Variants in CSMD1 observed in about 807,000 individuals in gnomAD.
CSMD1 encodes the protein CUB and Sushi multiple domains 1.
Under a neutral mutation model 417.5 loss-of-function variants are expected in CSMD1, and 213 were observed. The ratio of observed to expected loss-of-function variants is 0.51; its 90% CI spans 0.46 to 0.57. CSMD1 has a LOEUF of 0.57. CSMD1 is among the 20% of genes least tolerant of loss of function. CSMD1 has a pLI of 0.00. For synonymous variants in CSMD1, 2,862 were observed against 1,736.8 expected, an observed-to-expected ratio of 1.65 and a Z score of -16.11; for missense variants, 6,923 against 4,529.7, an observed-to-expected ratio of 1.53 and a Z score of -15.17.
intron 3 of CSMD1, among the ~76,000 whole-genome samples, chr8:4,197,969 C>G (rs1478320603): frequency 6.6e-6 from 1 of 152,170 alleles, no homozygotes; most frequent in Non-Finnish European, 1.5e-5. Flanking sequence ...TGGCTTGACT[C>G]TGGGAATAAA....
At chr8:3,750,670 G>A (rs923070060) in intron 6 of CSMD1, among the ~76,000 whole-genome samples, 1 of 152,130 alleles carries the variant, frequency 6.6e-6, no homozygotes, top group Non-Finnish European at 1.5e-5. Flanking sequence ...CTGCTTGACA[G>A]AAGGTTTCAC....
intron 2 of CSMD1, among the ~76,000 whole-genome samples, chr8:4,543,797 G>A (rs966902206): frequency 6.7e-6 from 1 of 148,198 alleles, no homozygotes; most frequent in African/African-American, 2.5e-5. Flanking sequence ...ACCAGCATTT[G>A]ATGTCAACAT....
intron 3 of CSMD1, among the ~76,000 whole-genome samples, chr8:4,063,676 A>C (rs1315459082): frequency 6.6e-6 from 1 of 152,216 alleles, no homozygotes; most frequent in East Asian, 1.9e-4. Context: ...TCTACCAGGA[A>C]GGATAAGCAT....
rs1003700025 is a variant in CSMD1 at position 4,561,293 on chromosome 8, G to T, written c.302+76049C>A. 2.0e-5 allele frequency among the ~76,000 whole-genome samples: 3 copies of T among 152,310 alleles called. No homozygotes were observed. The East Asian group carries it at 5.8e-4, about 29-fold the overall frequency. ...GGAGGCTGAGGCAGGGGAATCGTTT[G>T]AACTCAGGAGCTGGAGGTTGCAGTG... On this transcript the variant is annotated intron_variant, in intron 2 of 69. Transcript: ENST00000635120.
chr8:4,939,946 AT>A (rs1239456216), intron 1 of CSMD1, among the ~76,000 whole-genome samples: 1 of 152,236 alleles, frequency 6.6e-6, no homozygotes, highest in Non-Finnish European at 1.5e-5. Context: ...TAAAATATAA[AT>A]TTAAAAAAAG....
intron 1 of CSMD1, among the ~76,000 whole-genome samples, chr8:4,664,259 A>G (rs563547461): frequency 6.6e-6 from 1 of 152,298 alleles, no homozygotes; most frequent in South Asian, 2.1e-4. Flanking sequence ...CTGTGTGACT[A>G]GTAAGAAGAG....
At chr8:3,150,965 T>G (rs1044648834) in intron 40 of CSMD1, among the ~76,000 whole-genome samples, 1 of 152,188 alleles carries the variant, frequency 6.6e-6, no homozygotes, top group Non-Finnish European at 1.5e-5. Flanking sequence ...AGCAAAAATG[T>G]ATAAAACAAT....
intron 3 of CSMD1, among the ~76,000 whole-genome samples, chr8:4,039,697 A>C (rs1797789140): frequency 1.3e-5 from 2 of 152,202 alleles, no homozygotes; most frequent in Non-Finnish European, 2.9e-5. Context: ...AGCTGTAAAT[A>C]TACTTGAAGG....
rs1554468421 is a variant in CSMD1, at chr8:3,556,552, C to CACCCT, written c.1344+18392_1344+18393insAGGGT. ...CACACACACACACACACACACACAC[C>CACCCT]CTCTCTCTCTTTCAGAAATGGAAAA... is the stretch of plus-strand genomic sequence containing the variant. On this transcript the variant is annotated intron_variant, in intron 10 of 69. Transcript: ENST00000635120. 4.4e-3 allele frequency among the ~76,000 whole-genome samples: 613 copies of CACCCT among 139,786 alleles called. 4 individuals are homozygous for CACCCT. Among genetic ancestry groups the CACCCT allele is most frequent in the African/African-American group, 0.016 (575 of 36,612 alleles). The allele number at this position is 139,786 out of a possible 152,430, so 91.7% of individuals were successfully genotyped here. A position where few individuals can be genotyped will look rare whatever the true frequency, so the allele number is the denominator to read the frequency against.
chr8:4,643,077 G>C (rs1240553775), intron 1 of CSMD1, among the ~76,000 whole-genome samples: 1 of 152,170 alleles, frequency 6.6e-6, no homozygotes, highest in Non-Finnish European at 1.5e-5. Flanking sequence ...ATATAGATTT[G>C]TGTGTAAATA....
At chr8:4,933,066 T>C (rs202099286) in intron 1 of CSMD1, among the ~76,000 whole-genome samples, 1 of 150,672 alleles carries the variant, frequency 6.6e-6, no homozygotes, top group Admixed American at 6.6e-5. Flanking sequence ...AGGTAATCAA[T>C]AGCACTTTCT....
intron 54 of CSMD1, among the ~76,000 whole-genome samples, chr8:2,989,164 G>T (rs997600638): frequency 6.6e-6 from 1 of 152,172 alleles, no homozygotes; most frequent in African/African-American, 2.4e-5. Context: ...GCAGTAAACA[G>T]CAAGAATCCC....
intron 6 of CSMD1, among the ~76,000 whole-genome samples, chr8:3,741,929 T>C (rs146091431): frequency 3.9e-4 from 59 of 152,298 alleles, no homozygotes; most frequent in African/African-American, 1.4e-3. Flanking sequence ...TTTTTCATAA[T>C]TATTTCCCAC....
At chr8:4,409,094 T>C (rs1796502573) in intron 3 of CSMD1, among the ~76,000 whole-genome samples, 1 of 152,208 alleles carries the variant, frequency 6.6e-6, no homozygotes. Context: ...GAAGCCTTTT[T>C]TAAAGTTTAG....
chr8:3,630,629 A>G (rs1796735027), intron 7 of CSMD1, among the ~76,000 whole-genome samples: 3 of 152,158 alleles, frequency 2.0e-5, no homozygotes. Context: ...ATGCTGAGTG[A>G]GGGTTGAAGG....
At chr8:3,977,238 C>T (rs922186409) in intron 5 of CSMD1, among the ~76,000 whole-genome samples, 1 of 152,136 alleles carries the variant, frequency 6.6e-6, no homozygotes, top group South Asian at 2.1e-4. Context: ...CTCCTTGCTA[C>T]ATTCCACCTA....
At chr8:3,906,977 G>A (rs544406591) in intron 5 of CSMD1, among the ~76,000 whole-genome samples, 14 of 152,228 alleles carry the variant, frequency 9.2e-5, no homozygotes, top group Admixed American at 9.2e-4. Flanking sequence ...CAACTGAAAC[G>A]CTTCAAACAT....
intron 3 of CSMD1, among the ~76,000 whole-genome samples, chr8:4,033,940 T>A (rs77364002): frequency 6.6e-6 from 1 of 152,314 alleles, no homozygotes; most frequent in East Asian, 1.9e-4. Flanking sequence ...TAGTATGTCA[T>A]CAGTAAATTA....
At chr8:3,300,497 A>T (rs954438177) in intron 25 of CSMD1, among the ~76,000 whole-genome samples, 1 of 152,158 alleles carries the variant, frequency 6.6e-6, no homozygotes, top group Non-Finnish European at 1.5e-5. Flanking sequence ...GGCGAGTGAA[A>T]TGACTGACTC....
Sources: allele counts gnomAD v4.1 joint callset (sites outside exome capture counted in the v4.1 genomes callset), GRCh38; gene constraint gnomAD v4.1.1; transcripts MANE v1.5; gene names NCBI Gene and HGNC (gene_info 2026-07-23, HGNC 2026-07-21).